The following SINHCAF variants were observed in gnomAD, a reference collection of about 807,000 sequenced individuals.
SINHCAF encodes the protein SIN3-HDAC complex-associated factor.
A neutral mutation model predicts 25.8 loss-of-function variants in SINHCAF; 3 were observed. The observed-to-expected ratio is 0.12, with a 90% CI of 0.05 to 0.30. The LOEUF (loss-of-function observed/expected upper bound fraction) is 0.30. Ranked by LOEUF, SINHCAF falls within the 10% of genes least tolerant of loss-of-function variation. The pLI is 1.00. For missense variants in SINHCAF, 121 were observed against 262.3 expected (o/e 0.46, Z 3.72); for synonymous variants, 70 against 85.5 (o/e 0.82, Z 1.00).
At chr12:31,296,024 ATT>A (rs200012658) in intron 2 of SINHCAF, among the ~76,000 whole-genome samples, 50 of 149,978 alleles carry the variant, frequency 3.3e-4, no homozygotes, top group African/African-American at 1.2e-3. Context: ...CTACTTTAAA[ATT>A]TTTTTTTTTA....
chr12:31,298,265 G>A (rs1421648891), intron 1 of SINHCAF, 41 bp from the exon 2 acceptor site: 6 of 1,606,948 alleles, frequency 3.7e-6, no homozygotes, highest in African/African-American at 2.7e-5. Context: ...GTTGAGGGCT[G>A]TAACAAGGAA....
chr12:31,300,827 G>A (rs1938760418), intron 1 of SINHCAF, among the ~76,000 whole-genome samples: 1 of 152,046 alleles, frequency 6.6e-6, no homozygotes, highest in African/African-American at 2.4e-5. Context: ...CCATCAAGAA[G>A]GTCAGAGAAC....
chr12:31,307,538 G>A lies in SINHCAF; in HGVS notation c.-20-9314C>T, dbSNP rs112768401. 7.0e-3 allele frequency among the ~76,000 whole-genome samples: 1,071 copies of A among 152,160 alleles called. 15 individuals are homozygous for A. The highest frequency in any genetic ancestry group is 0.025 in the African/African-American group (1,032 of 41,450). Reference sequence around the variant, plus strand: ...CCACTGCAGTCCAGCCTGGGTGACAGAGCAAGACCCTGTCTAAAAAAGAGA... The same window carrying A: ...CCACTGCAGTCCAGCCTGGGTGACAAAGCAAGACCCTGTCTAAAAAAGAGA... On this transcript the variant is annotated intron_variant, in intron 1 of 5. Transcript: ENST00000337682.
At chr12:31,304,483 G>C (rs993935524) in intron 1 of SINHCAF, 8 of 152,230 alleles carry the variant, frequency 5.3e-5, no homozygotes, top group Non-Finnish European at 7.3e-5. Flanking sequence ...TTGTGTTCTA[G>C]ATAAGTTAGA....
At chr12:31,316,384 G>T (rs1048354539) in intron 1 of SINHCAF, among the ~76,000 whole-genome samples, 1 of 152,014 alleles carries the variant, frequency 6.6e-6, no homozygotes, top group Non-Finnish European at 1.5e-5. Context: ...TGATTTGTAG[G>T]GTTTTCTTCT....
intron 4 of SINHCAF, among the ~76,000 whole-genome samples, chr12:31,293,075 T>C (rs2137082959): frequency 6.6e-6 from 1 of 152,356 alleles, no homozygotes; most frequent in Admixed American, 6.5e-5. Context: ...CATCTATTTA[T>C]TCCACTAAAT....
chr12:31,320,573 G>A (rs1939659707), intron 1 of SINHCAF, among the ~76,000 whole-genome samples: 1 of 152,144 alleles, frequency 6.6e-6, no homozygotes, highest in African/African-American at 2.4e-5. Context: ...CTCAAAGAGT[G>A]GGGCAGCCAA....
chr12:31,283,002 A>C, intron 5 of SINHCAF, 131 bp from the exon 6 acceptor site: 2 of 640,110 alleles, frequency 3.1e-6, no homozygotes, highest in South Asian at 7.1e-5. Flanking sequence ...GCACATTCCA[A>C]GTGAAAGGGC....
intron 5 of SINHCAF, among the ~76,000 whole-genome samples, chr12:31,285,796 C>T (rs1407599011): frequency 6.6e-6 from 1 of 151,636 alleles, no homozygotes; most frequent in African/African-American, 2.4e-5. Context: ...GCCAATATGG[C>T]GAAACCCCAT....
intron 2 of SINHCAF, among the ~76,000 whole-genome samples, chr12:31,296,006 C>A (rs1938533024): frequency 6.6e-6 from 1 of 151,666 alleles, no homozygotes; most frequent in South Asian, 2.1e-4. Flanking sequence ...CACAAGGAGA[C>A]CCCATCTCTA....
intron 1 of SINHCAF, among the ~76,000 whole-genome samples, chr12:31,310,762 T>C (rs1370402698): frequency 6.6e-6 from 1 of 152,182 alleles, no homozygotes; most frequent in Non-Finnish European, 1.5e-5. Context: ...AAGTTGTCCA[T>C]TGACATCTGC....
At chr12:31,306,283 G>T (rs1939022917) in intron 1 of SINHCAF, among the ~76,000 whole-genome samples, 1 of 152,148 alleles carries the variant, frequency 6.6e-6, no homozygotes, top group Admixed American at 6.5e-5. Context: ...CCCATAAAGG[G>T]GTTTTCCAGG....
chr12:31,283,572 T>C (rs929990420), intron 5 of SINHCAF, among the ~76,000 whole-genome samples: 2 of 151,400 alleles, frequency 1.3e-5, no homozygotes, highest in African/African-American at 2.4e-5. Context: ...CACTGCACTC[T>C]AGCCTGGGAG....
intron 5 of SINHCAF, among the ~76,000 whole-genome samples, chr12:31,287,144 A>G (rs1270922023): frequency 1.3e-5 from 2 of 152,068 alleles, no homozygotes; most frequent in African/African-American, 4.8e-5. Context: ...CTTTAGCAAC[A>G]TGTCTTTTTT....
chr12:31,297,935 AAGC>A (rs1938614171), intron 2 of SINHCAF, 139 bp downstream of exon 2: 2 of 829,016 alleles, frequency 2.4e-6, no homozygotes, highest in African/African-American at 3.4e-5. Context: ...TTCATTTAAA[AAGC>A]AGGAGACTTA....
At chr12:31,312,014 A>G in intron 1 of SINHCAF, 2 of 686,960 alleles carry the variant, frequency 2.9e-6, no homozygotes, top group African/African-American at 1.8e-5. Context: ...AAGCTGGCAA[A>G]GGAGAAGTAA....
At chr12:31,296,313 G>A (rs529287638) in intron 2 of SINHCAF, among the ~76,000 whole-genome samples, 6 of 151,944 alleles carry the variant, frequency 3.9e-5, no homozygotes, top group South Asian at 2.1e-4. Context: ...CCACAGGCAC[G>A]TGCCACCACG....
chr12:31,287,634 CT>C lies in SINHCAF; in HGVS notation c.505del (p.Arg169AspfsTer55). ...FSFLDLTYWK[R>X]QKICCGIIYK... ...TAGAGAGATACTTTGTTTCTTTTAC[CT>C]TTTCCAGTAAGTGAGATCTAAAAAG... On this transcript the variant is annotated frameshift_variant and splice_region_variant, in exon 5 of 6. Transcript: ENST00000337682. LOFTEE classifies it high-confidence loss of function. 2 of 1,587,540 alleles carry C rather than the reference CT, an allele frequency of 1.3e-6. No homozygotes were observed. Among genetic ancestry groups the C allele is most frequent in the South Asian group, 1.1e-5 (1 of 87,158 alleles).
chr12:31,300,578 T>C (rs1473086894), intron 1 of SINHCAF, among the ~76,000 whole-genome samples: 2 of 152,214 alleles, frequency 1.3e-5, no homozygotes, highest in African/African-American at 4.8e-5. Flanking sequence ...AGGCAGATTT[T>C]TTTTTCTCAA....
Sources: allele counts gnomAD v4.1 joint callset (sites outside exome capture counted in the v4.1 genomes callset), GRCh38; gene constraint gnomAD v4.1.1; transcripts MANE v1.5; gene names NCBI Gene and HGNC (gene_info 2026-07-23, HGNC 2026-07-21).